Variants in CLTCL1 observed in about 807,000 individuals in gnomAD.
CLTCL1 encodes clathrin heavy chain like 1, also known as clathrin heavy chain 2.
A neutral mutation model predicts 190.0 loss-of-function variants in CLTCL1; 159 were observed. The observed-to-expected ratio is 0.84, with a 90% CI of 0.74 to 0.95. The LOEUF (loss-of-function observed/expected upper bound fraction) is 0.95, where lower values mean the gene tolerates loss of function less well. Ranked by LOEUF, CLTCL1 falls within the 40% of genes least tolerant of loss-of-function variation. The probability of loss-of-function intolerance (pLI) is 0.00; values close to 1 mark genes in which losing one functional copy is unlikely to be tolerated. For missense variants in CLTCL1, 1,878 were observed against 2,033.4 expected (o/e 0.92, Z 1.47); for synonymous variants, 752 against 769.6 (o/e 0.98, Z 0.38).
Position 19,180,241 on chromosome 22 carries a change from A to G in CLTCL1, c.4904-3T>C. The G allele has an allele frequency of 6.2e-7, 1 of 1,613,376 alleles. No individual in the cohort carries two copies. The highest frequency in any genetic ancestry group is 8.5e-7 in the Non-Finnish European group (1 of 1,179,540). ...GTCTCATTCATGCCCATCAAAATCT[A>G]AAAAAACCAGAATGACATTAATGGT... On this transcript the variant is annotated splice_region_variant and splice_polypyrimidine_tract_variant and intron_variant, in intron 31 of 32. Coordinates refer to ENST00000427926, the MANE Select transcript of CLTCL1 (RefSeq NM_007098.4).
chr22:19,233,030 A>C, intron 9 of CLTCL1, 136 bp downstream of exon 9: 1 of 906,702 alleles, frequency 1.1e-6, no homozygotes. Context: ...ATTATGAATA[A>C]AGATCCTAAC....
intron 18 of CLTCL1, among the ~76,000 whole-genome samples, chr22:19,219,456 A>T (rs1452692352): frequency 6.7e-6 from 1 of 148,882 alleles, no homozygotes; most frequent in Non-Finnish European, 1.5e-5. Flanking sequence ...AAGTGCTAGG[A>T]TTACAGGCGT....
Position 19,229,783 on chromosome 22 carries a change from C to G in CLTCL1, c.1782+55G>C, listed in dbSNP as rs1377069050. The G allele has an allele frequency of 4.6e-6, 7 of 1,523,894 alleles. No homozygotes were observed. The East Asian group carries it at 1.7e-4, about 37-fold the overall frequency. 94.4% of individuals were successfully genotyped at this position (1,523,894 alleles called of 1,614,324 possible). A position where few individuals can be genotyped will look rare whatever the true frequency, so the allele number is the denominator to read the frequency against. Reference sequence around the variant, plus strand: ...AGCCACTGTGCTCAAGTCTGCAAACCCAGAGAGGTGCCACAGGTGCTCTGC... The same window carrying G: ...AGCCACTGTGCTCAAGTCTGCAAACGCAGAGAGGTGCCACAGGTGCTCTGC... On this transcript the variant is annotated intron_variant, in intron 11 of 32. Transcript: ENST00000427926.
intron 2 of CLTCL1, among the ~76,000 whole-genome samples, chr22:19,262,456 C>A (rs2086980671): frequency 6.7e-6 from 1 of 149,688 alleles, no homozygotes; most frequent in African/African-American, 2.5e-5. Context: ...TGTGGTGAAA[C>A]CCCATCTCTA....
At chr22:19,248,086 C>T (rs1037940996) in intron 3 of CLTCL1, among the ~76,000 whole-genome samples, 7 of 151,686 alleles carry the variant, frequency 4.6e-5, no homozygotes, top group Non-Finnish European at 8.8e-5. Flanking sequence ...CACCTGAGGT[C>T]AGGAGTTCGA....
chr22:19,230,396 G>A (rs921271816), intron 10 of CLTCL1, among the ~76,000 whole-genome samples: 4 of 152,074 alleles, frequency 2.6e-5, no homozygotes, highest in African/African-American at 9.7e-5. Context: ...AAGCCACTGC[G>A]CCCGGCCCCT....
intron 11 of CLTCL1, 30 bp downstream of exon 11, chr22:19,229,808 C>T (rs782534597): frequency 1.3e-6 from 2 of 1,572,696 alleles, no homozygotes; most frequent in Non-Finnish European, 1.7e-6. Flanking sequence ...AGGTGCTCTG[C>T]CTCTCGGTGT....
intron 2 of CLTCL1, among the ~76,000 whole-genome samples, chr22:19,263,913 A>T (rs1340193204): frequency 1.3e-5 from 2 of 152,202 alleles, no homozygotes; most frequent in African/African-American, 4.8e-5. Flanking sequence ...GTATGCCTGT[A>T]TATGGAAATC....
intron 2 of CLTCL1, among the ~76,000 whole-genome samples, chr22:19,264,018 C>T (rs73377879): frequency 0.013 from 1,993 of 152,096 alleles, 33 homozygotes; most frequent in African/African-American, 0.046. Flanking sequence ...AAATGACCCA[C>T]GTGGAGTGGT....
intron 29 of CLTCL1, among the ~76,000 whole-genome samples, chr22:19,187,104 T>C (rs1601436986): frequency 1.3e-5 from 2 of 151,800 alleles, no homozygotes; most frequent in Admixed American, 1.3e-4. Flanking sequence ...GCTAATTTTT[T>C]GTAAAGATGG....
chr22:19,273,722 G>A (rs5748088), intron 2 of CLTCL1, among the ~76,000 whole-genome samples: 22,051 of 151,888 alleles, frequency 0.15, 1,749 homozygotes, highest in East Asian at 0.26. Context: ...ATTGAGATAC[G>A]CAATCATAAA....
chr22:19,235,528 T>C (rs2086053357), intron 6 of CLTCL1, among the ~76,000 whole-genome samples, 168 bp downstream of exon 6: 2 of 152,210 alleles, frequency 1.3e-5, no homozygotes, highest in Admixed American at 6.5e-5. Flanking sequence ...GGAATGGTGC[T>C]GTCTGAAGAG....
At chr22:19,192,661 T>C (rs1176091898) in intron 26 of CLTCL1, among the ~76,000 whole-genome samples, 3 of 152,228 alleles carry the variant, frequency 2.0e-5, no homozygotes, top group Non-Finnish European at 4.4e-5. Context: ...GGTCCCACTA[T>C]GGCTTACTGG....
In CLTCL1 at chr22:19,239,406, G is replaced by A. The variant is rs1555964074; in HGVS notation, c.682-18C>T. On this transcript the variant is annotated intron_variant, in intron 4 of 32. Coordinates refer to ENST00000427926, the MANE Select transcript of CLTCL1 (RefSeq NM_007098.4). ...ATGTGCAACTAGAAGAGAGATTTTA[G>A]GTCAATCAAGGGGACCGCCTGTGGT... 1.3e-6 allele frequency: 2 copies of A among 1,591,424 alleles called. No homozygotes were observed. The highest frequency in any genetic ancestry group is 4.5e-5 in the East Asian group (2 of 44,778).
Position 19,196,266 on chromosome 22 carries a change from C to T in CLTCL1, c.4191G>A (p.Lys1397=). The change falls in exon 26 of 33, where the codon AAG becomes AAA. Residue 1397 remains lysine, a splice_region_variant and synonymous_variant. Coordinates refer to ENST00000427926, the MANE Select transcript of CLTCL1 (RefSeq NM_007098.4). The part of the protein sequence containing the change: ...KEGQFKDIIT[K]VANVELCYRA... ...GCCAGCGCTCTGTATCCCCTCTTAC[C>T]TTGGTAATGATGTCCTTGAACTGAC... The T allele has an allele frequency of 5.6e-6, 9 of 1,612,704 alleles. No individual in the cohort carries two copies. The highest frequency in any genetic ancestry group is 7.6e-6 in the Non-Finnish European group (9 of 1,179,786).
chr22:19,228,438 G>C (rs577369548), intron 11 of CLTCL1, among the ~76,000 whole-genome samples: 1 of 152,250 alleles, frequency 6.6e-6, no homozygotes, highest in East Asian at 1.9e-4. Context: ...AAGTTTCTGA[G>C]TGACGCTTGG....
intron 6 of CLTCL1, among the ~76,000 whole-genome samples, chr22:19,235,071 T>C (rs1229298922): frequency 6.6e-6 from 1 of 152,210 alleles, no homozygotes; most frequent in Admixed American, 6.5e-5. Flanking sequence ...GGTCTTACTA[T>C]GTCGCTCAGG....
chr22:19,227,449 C>G (rs1246201701), intron 11 of CLTCL1, among the ~76,000 whole-genome samples: 1 of 125,316 alleles, frequency 8.0e-6, no homozygotes, highest in African/African-American at 3.0e-5. Flanking sequence ...CACCTGGCTA[C>G]TTTTTTTTTT....
In CLTCL1 at chr22:19,261,513, G is replaced by C. The variant is rs147520127; in HGVS notation, c.251-7286C>G. Among the ~76,000 whole-genome samples the C allele has an allele frequency of 5.7e-3, 875 of 152,260 alleles. 13 individuals carry two copies. The highest frequency in any genetic ancestry group is 0.02 in the African/African-American group (819 of 41,542). ...CTCCTGGAAAGGATTCACCATTCTA[G>C]ATGCAACTAAGAACATTCGTGATTC... On this transcript the variant is annotated intron_variant, in intron 2 of 32. Coordinates refer to ENST00000427926, the MANE Select transcript of CLTCL1 (RefSeq NM_007098.4).
Sources: gnomAD v4.1 joint callset for allele counts (sites outside exome capture counted in the v4.1 genomes callset) on GRCh38, gnomAD v4.1.1 for gene constraint, MANE v1.5 for transcripts, NCBI Gene and HGNC (gene_info 2026-07-23, HGNC 2026-07-21) for gene names.